XKR4: variants seen among roughly 807,000 people sequenced by gnomAD.
XKR4 encodes the protein XK related 4.
A neutral mutation model predicts 53.9 loss-of-function variants in XKR4; 12 were observed. The observed-to-expected ratio is 0.22, with a 90% CI of 0.14 to 0.36. The LOEUF (loss-of-function observed/expected upper bound fraction) is 0.36, where lower values mean the gene tolerates loss of function less well. XKR4 is among the 10% of genes least tolerant of loss of function. The pLI is 1.00. For synonymous variants in XKR4, 354 were observed against 362.4 expected (o/e 0.98, Z 0.26); for missense variants, 799 against 859.5 (o/e 0.93, Z 0.88).
intron 1 of XKR4, among the ~76,000 whole-genome samples, chr8:55,252,402 A>G (rs1818373707): frequency 6.6e-6 from 1 of 152,140 alleles, no homozygotes; most frequent in Non-Finnish European, 1.5e-5. Flanking sequence ...GGCAAGGACT[A>G]TTTTTGTTTT....
At chr8:55,356,386 T>C (rs908538631) in intron 1 of XKR4, among the ~76,000 whole-genome samples, 1 of 152,094 alleles carries the variant, frequency 6.6e-6, no homozygotes, top group Admixed American at 6.5e-5. Flanking sequence ...ACCATGCAAA[T>C]ACAATCATTA....
chr8:55,283,868 A>T (rs1316067338), intron 1 of XKR4, among the ~76,000 whole-genome samples: 1 of 152,210 alleles, frequency 6.6e-6, no homozygotes, highest in Non-Finnish European at 1.5e-5. Flanking sequence ...CTGGGACATT[A>T]CCAAGAAAGA....
chr8:55,460,707 G>A lies in XKR4; in HGVS notation c.1007-62574G>A, dbSNP rs373476257. 6.6e-5 allele frequency among the ~76,000 whole-genome samples: 10 copies of A among 152,308 alleles called. No homozygotes were observed. In the East Asian group the frequency reaches 1.9e-3, roughly 30 times the overall value. The stretch of plus-strand genomic sequence containing the variant: ...CATCGCCTCACCCGGGAAGCACAAG[G>A]GGTCAGGGAATTCCCTTTCCTAGTC... On this transcript the variant is annotated intron_variant, in intron 2 of 2. Transcript: ENST00000327381.
At chr8:55,175,173 C>T (rs893660985) in intron 1 of XKR4, among the ~76,000 whole-genome samples, 1 of 152,278 alleles carries the variant, frequency 6.6e-6, no homozygotes, top group East Asian at 1.9e-4. Context: ...TCAGGAAACT[C>T]AGGGAATATT....
At chr8:55,339,574 A>G (rs976717779) in intron 1 of XKR4, among the ~76,000 whole-genome samples, 5 of 152,182 alleles carry the variant, frequency 3.3e-5, no homozygotes, top group Non-Finnish European at 7.3e-5. Context: ...CCAAGTGGGA[A>G]GTTTGAATCT....
intron 2 of XKR4, among the ~76,000 whole-genome samples, chr8:55,399,590 T>G (rs1334795773): frequency 2.0e-5 from 3 of 152,214 alleles, no homozygotes; most frequent in Non-Finnish European, 4.4e-5. Flanking sequence ...CCCTGGGTTC[T>G]TAGAATAAGG....
At chr8:55,399,048 C>A (rs188839490) in intron 2 of XKR4, among the ~76,000 whole-genome samples, 2 of 152,172 alleles carry the variant, frequency 1.3e-5, no homozygotes, top group Admixed American at 1.3e-4. Context: ...TTTCTCATTC[C>A]TCTGAATACC....
chr8:55,444,645 T>C (rs1805319103), intron 2 of XKR4, among the ~76,000 whole-genome samples: 2 of 152,232 alleles, frequency 1.3e-5, no homozygotes, highest in Admixed American at 6.5e-5. Context: ...TTTCAGCAAG[T>C]TGAAAATTTA....
At chr8:55,491,771 C>T (rs751718211) in intron 2 of XKR4, among the ~76,000 whole-genome samples, 5 of 152,258 alleles carry the variant, frequency 3.3e-5, no homozygotes, top group African/African-American at 7.2e-5. Context: ...GCTAGGATTA[C>T]GGGCACACAC....
At chr8:55,393,133 T>A (rs539161471) in intron 2 of XKR4, among the ~76,000 whole-genome samples, 1 of 152,198 alleles carries the variant, frequency 6.6e-6, no homozygotes, top group South Asian at 2.1e-4. Context: ...GATGAAAGAT[T>A]GATGAGAAAC....
intron 2 of XKR4, among the ~76,000 whole-genome samples, chr8:55,491,807 G>A (rs953490233): frequency 6.6e-6 from 1 of 152,048 alleles, no homozygotes; most frequent in African/African-American, 2.4e-5. Flanking sequence ...TTTTATTTTG[G>A]ATGGTCAAAA....
chr8:55,301,735 T>C (rs1819202217), intron 1 of XKR4, among the ~76,000 whole-genome samples: 1 of 152,236 alleles, frequency 6.6e-6, no homozygotes, highest in African/African-American at 2.4e-5. Flanking sequence ...TTTGCATTTC[T>C]CTGATGGCCA....
Position 55,315,432 on chromosome 8 carries a change from C to G in XKR4, c.807-42246C>G, listed in dbSNP as rs184790761. Among the ~76,000 whole-genome samples, 4 of 152,318 alleles carry G rather than the reference C, an allele frequency of 2.6e-5. No individual in the cohort carries two copies. In the East Asian group the frequency reaches 7.7e-4, roughly 29 times the overall value. ...GATGTGTGGCAGCGCCTAACCTGCT[C>G]TCTGGAGGACCTTCTGGAGAGGGCT... On this transcript the variant is annotated intron_variant, in intron 1 of 2. Transcript: ENST00000327381.
chr8:55,314,664 T>A (rs1034761494), intron 1 of XKR4, among the ~76,000 whole-genome samples: 1 of 152,236 alleles, frequency 6.6e-6, no homozygotes, highest in African/African-American at 2.4e-5. Context: ...TTAAGTATTC[T>A]GAATTTAAAC....
At chr8:55,390,398 C>A (rs1319547462) in intron 2 of XKR4, among the ~76,000 whole-genome samples, 1 of 152,196 alleles carries the variant, frequency 6.6e-6, no homozygotes, top group Non-Finnish European at 1.5e-5. Context: ...CATTAGAAGA[C>A]TCTGAAAAGG....
intron 1 of XKR4, among the ~76,000 whole-genome samples, chr8:55,341,013 GGAACTCA>G: frequency 6.6e-6 from 1 of 152,140 alleles, no homozygotes; most frequent in Non-Finnish European, 1.5e-5. Context: ...GTTTGAGCAT[GGAACTCA>G]TGTAATACCA....
chr8:55,399,433 G>T (rs1056247003), intron 2 of XKR4, among the ~76,000 whole-genome samples: 2 of 152,164 alleles, frequency 1.3e-5, no homozygotes, highest in Non-Finnish European at 2.9e-5. Context: ...ATAGCTCAGC[G>T]GTTACAATAA....
intron 2 of XKR4, among the ~76,000 whole-genome samples, chr8:55,401,116 C>T (rs575794189): frequency 3.3e-5 from 5 of 152,300 alleles, no homozygotes; most frequent in East Asian, 3.9e-4. Flanking sequence ...CGTGGAGACA[C>T]GCAGGCGCCA....
At chr8:55,190,286 G>A (rs1257665468) in intron 1 of XKR4, among the ~76,000 whole-genome samples, 1 of 152,192 alleles carries the variant, frequency 6.6e-6, no homozygotes, top group Non-Finnish European at 1.5e-5. Flanking sequence ...TAACGATACA[G>A]GGCAAACAAT....
Sources: allele counts gnomAD v4.1 joint callset (sites outside exome capture counted in the v4.1 genomes callset), GRCh38; gene constraint gnomAD v4.1.1; transcripts MANE v1.5; gene names NCBI Gene and HGNC (gene_info 2026-07-23, HGNC 2026-07-21).